The following SPATA7 variants were observed in gnomAD, a reference collection of about 807,000 sequenced individuals.
SPATA7 encodes the protein spermatogenesis associated 7.
SPATA7 carries 43 observed loss-of-function variants against 51.8 expected under a neutral mutation model. The ratio of observed to expected loss-of-function variants is 0.83; its 90% CI spans 0.65 to 1.07. The LOEUF is 1.07. Ranked by LOEUF, SPATA7 falls within the 50% of genes least tolerant of loss-of-function variation. SPATA7 has a pLI of 0.00. For missense variants in SPATA7, 683 were observed against 701.3 expected, an observed-to-expected ratio of 0.97 and a Z score of 0.30; for synonymous variants, 230 against 252.8, an observed-to-expected ratio of 0.91 and a Z score of 0.86.
chr14:88,463,170 G>A (rs1046379214), intron 4 of SPATA7, among the ~76,000 whole-genome samples: 1 of 151,902 alleles, frequency 6.6e-6, no homozygotes, highest in African/African-American at 2.4e-5. Context: ...TTCCTTCTTG[G>A]GCCATCCCTT....
intron 5 of SPATA7, 110 bp from the exon 6 acceptor site, chr14:88,426,122 G>T: frequency 2.6e-6 from 2 of 775,298 alleles, no homozygotes; most frequent in South Asian, 1.5e-5. Context: ...GAACATATCA[G>T]TTAATTTTGT....
chr14:88,435,467 G>T (rs1021451756), intron 10 of SPATA7, among the ~76,000 whole-genome samples: 1 of 152,070 alleles, frequency 6.6e-6, no homozygotes, highest in Non-Finnish European at 1.5e-5. Flanking sequence ...TATTTTAAAT[G>T]TACAATTAAG....
rs17124616 is a variant in SPATA7, at chr14:88,391,475, C to T, written c.94+20C>T. 6.5e-3 allele frequency: 10,453 copies of T among 1,604,876 alleles called. 577 individuals are homozygous for T. The African/African-American group carries it at 0.12, about 19-fold the overall frequency. On this transcript the variant is annotated intron_variant, in intron 2 of 11. Transcript: ENST00000393545. ...GTAATGGTAAGTGAGGTGCTTAAAA[C>T]GGCAGCTTTGTTAGAAGATTGTCTG...
chr14:88,415,152 G>A (rs61154667), intron 4 of SPATA7: 5,567 of 232,592 alleles, frequency 0.024, 317 homozygotes, highest in African/African-American at 0.12. Context: ...CACTGCCAGT[G>A]GGATGTTGAA....
At position 88,426,434 on chromosome 14, in the gene SPATA7, A is replaced by G. The variant is rs761163588; in HGVS notation, c.575A>G (p.Lys192Arg). 2 of 1,614,202 alleles carry G rather than the reference A, an allele frequency of 1.2e-6. No homozygotes were observed. Among genetic ancestry groups the G allele is most frequent in the Non-Finnish European group, 1.7e-6 (2 of 1,180,030 alleles). ...GATTATGCAGCCTCCGGGCCCCGGA[A>G]ACTGAGCTCTGGAGCCCTGTATGGC... Reference protein sequence around the residue: ...SVDYAASGPRKLSSGALYGRR... With the variant: ...SVDYAASGPRRLSSGALYGRR... Residue 192 changes from lysine to arginine, a missense_variant, in exon 6 of 12, where the codon AAA (lysine) becomes AGA (arginine). Transcript: ENST00000393545.
At chr14:88,434,462 G>A (rs932164709) in intron 10 of SPATA7, among the ~76,000 whole-genome samples, 3 of 152,130 alleles carry the variant, frequency 2.0e-5, no homozygotes, top group Non-Finnish European at 4.4e-5. Flanking sequence ...TAAGGTGGGC[G>A]GATCACAAGG....
At chr14:88,449,036 G>A (rs2077233368) in intron 3 of SPATA7, among the ~76,000 whole-genome samples, 1 of 151,664 alleles carries the variant, frequency 6.6e-6, no homozygotes, top group Non-Finnish European at 1.5e-5. Flanking sequence ...CTTTTATATT[G>A]TGTTTTTTTT....
intron 3 of SPATA7, among the ~76,000 whole-genome samples, chr14:88,448,743 C>T (rs1352645965): frequency 1.3e-5 from 2 of 152,016 alleles, no homozygotes; most frequent in Middle Eastern, 3.2e-3. Context: ...AGTACCCAGC[C>T]GTGTGAGGTG....
chr14:88,390,402 G>A (rs1265920442), intron 1 of SPATA7, among the ~76,000 whole-genome samples: 2 of 152,062 alleles, frequency 1.3e-5, no homozygotes, highest in African/African-American at 4.8e-5. Flanking sequence ...TTCTCAGACA[G>A]GTTCCTTTAT....
intron 4 of SPATA7, among the ~76,000 whole-genome samples, chr14:88,396,933 A>C (rs1446644567): frequency 6.9e-6 from 1 of 144,056 alleles, no homozygotes; most frequent in Non-Finnish European, 1.5e-5. Context: ...AGTGCAGTGG[A>C]ACGATCTCAC....
intron 8 of SPATA7, 74 bp downstream of exon 8, chr14:88,429,537 C>T: frequency 7.4e-6 from 7 of 939,854 alleles, no homozygotes; most frequent in Non-Finnish European, 1.2e-5. Context: ...ATAGTATTTG[C>T]CGCATAAGTA....
intron 4 of SPATA7, among the ~76,000 whole-genome samples, chr14:88,412,426 T>G (rs1170116044): frequency 6.6e-6 from 1 of 152,078 alleles, no homozygotes; most frequent in Non-Finnish European, 1.5e-5. Flanking sequence ...GTCCGATGTT[T>G]GAGGGCAGGA....
intron 5 of SPATA7, 94 bp downstream of exon 5, chr14:88,416,938 C>T (rs2076496691): frequency 2.8e-6 from 3 of 1,058,098 alleles, no homozygotes; most frequent in East Asian, 2.5e-5. Context: ...TTAGGGTCAG[C>T]AAATTTTTCC....
intron 4 of SPATA7, among the ~76,000 whole-genome samples, chr14:88,415,464 A>C (rs1015839029): frequency 2.7e-5 from 4 of 150,382 alleles, no homozygotes; most frequent in African/African-American, 1.0e-4. Flanking sequence ...GGCCTCTTGA[A>C]GATAGTAGAA....
chr14:88,407,334 T>C (rs2076226303), intron 4 of SPATA7, among the ~76,000 whole-genome samples: 1 of 152,256 alleles, frequency 6.6e-6, no homozygotes, highest in East Asian at 1.9e-4. Context: ...TGGTATCTCA[T>C]TGTGGTTTTG....
Position 88,426,360 on chromosome 14 carries a change from C to T in SPATA7, c.501C>T (p.Val167=). 1.9e-6 allele frequency: 3 copies of T among 1,614,142 alleles called. No individual in the cohort carries two copies. Among genetic ancestry groups the T allele is most frequent in the African/African-American group, 2.7e-5 (2 of 75,044 alleles). Residue 167 remains valine, a synonymous_variant, in exon 6 of 12, where the codon GTC becomes GTT. Coordinates refer to ENST00000393545, the MANE Select transcript of SPATA7 (RefSeq NM_018418.5). ...TAAGTCTACATAAATCCAGTAAAGT[C>T]ATCACAAATGGTCCTGAGAAGAACT... ...LHLSLHKSSK[V]ITNGPEKNSS... is the part of the protein sequence containing the mutation.
chr14:88,447,845 G>A (rs1213316302), intron 3 of SPATA7, among the ~76,000 whole-genome samples: 9 of 152,226 alleles, frequency 5.9e-5, no homozygotes, highest in Admixed American at 2.0e-4. Context: ...AGTTTCTGCC[G>A]AGAGATCCGC....
At chr14:88,466,767 AATT>A (rs3841483) in intron 4 of SPATA7, 142,969 of 152,020 alleles carry the variant, frequency 0.94, 67,662 homozygotes, top group Non-Finnish European at 0.99. Flanking sequence ...CTGGCCAGGG[AATT>A]ATTAAGGAGC....
chr14:88,439,476 CAA>C (rs2077162580), downstream of SPATA7, among the ~76,000 whole-genome samples: 1 of 152,122 alleles, frequency 6.6e-6, no homozygotes, highest in South Asian at 2.1e-4. Flanking sequence ...CCATTATGTA[CAA>C]AGTTTCATGC....
Sources: allele counts gnomAD v4.1 joint callset (sites outside exome capture counted in the v4.1 genomes callset), GRCh38; gene constraint gnomAD v4.1.1; transcripts MANE v1.5; gene names NCBI Gene and HGNC (gene_info 2026-07-23, HGNC 2026-07-21).